Variants in TMTC2 observed in about 807,000 individuals in gnomAD.
TMTC2 encodes protein O-mannosyl-transferase TMTC2.
TMTC2 carries 43 observed loss-of-function variants against 82.4 expected under a neutral mutation model. That is an observed-to-expected ratio of 0.52 (90% CI 0.41 to 0.67). The LOEUF (loss-of-function observed/expected upper bound fraction) is 0.67. Among genes scored for constraint, TMTC2 ranks in the 30% least tolerant of loss-of-function variants. The pLI is 0.00. For missense variants in TMTC2, 919 were observed against 1,012.4 expected (o/e 0.91, Z 1.25); for synonymous variants, 408 against 381.9 (o/e 1.07, Z -0.80).
chr12:82,956,460 A>G (rs1877621148), intron 4 of TMTC2, among the ~76,000 whole-genome samples: 1 of 152,030 alleles, frequency 6.6e-6, no homozygotes, highest in African/African-American at 2.4e-5. Context: ...GACTTACTTC[A>G]TTTATTTGTT....
intron 1 of TMTC2, among the ~76,000 whole-genome samples, chr12:82,787,645 A>C (rs1878244311): frequency 6.6e-6 from 1 of 152,020 alleles, no homozygotes; most frequent in Non-Finnish European, 1.5e-5. Flanking sequence ...GCAGTTGCTC[A>C]CTCCTGTAAT....
chr12:82,883,011 G>A (rs1358275105), intron 2 of TMTC2, among the ~76,000 whole-genome samples: 4 of 144,896 alleles, frequency 2.8e-5, no homozygotes, highest in East Asian at 2.1e-4. Context: ...AGCCAAGATC[G>A]CGTCAGTGCA....
chr12:82,754,560 C>T (rs149463059), intron 1 of TMTC2, among the ~76,000 whole-genome samples: 1 of 152,026 alleles, frequency 6.6e-6, no homozygotes, highest in African/African-American at 2.4e-5. Context: ...CATGGTGAAA[C>T]CCTGTCTCTA....
chr12:83,056,897 A>G (rs1294462593), intron 10 of TMTC2, among the ~76,000 whole-genome samples: 2 of 151,812 alleles, frequency 1.3e-5, no homozygotes, highest in Admixed American at 1.3e-4. Flanking sequence ...ACACCTGGGG[A>G]ATGTTGTTAA....
chr12:83,020,329 T>C (rs1169270288), intron 8 of TMTC2, among the ~76,000 whole-genome samples: 1 of 152,194 alleles, frequency 6.6e-6, no homozygotes, highest in Non-Finnish European at 1.5e-5. Flanking sequence ...ATACATTTAA[T>C]GTATTGTGGA....
chr12:82,697,257 T>C (rs2136892908), intron 1 of TMTC2, among the ~76,000 whole-genome samples: 1 of 150,522 alleles, frequency 6.6e-6, no homozygotes, highest in African/African-American at 2.4e-5. Context: ...GGCAGGGGAA[T>C]TGCTTGAACC....
At chr12:82,790,841 A>G (rs1473159417) in intron 1 of TMTC2, among the ~76,000 whole-genome samples, 1 of 151,728 alleles carries the variant, frequency 6.6e-6, no homozygotes, top group East Asian at 1.9e-4. Context: ...AAAAAAAAAA[A>G]AGAAAGAAAA....
intron 1 of TMTC2, among the ~76,000 whole-genome samples, chr12:82,823,989 G>A (rs1565766586): frequency 4.6e-5 from 7 of 151,538 alleles, no homozygotes. Flanking sequence ...CGCTTCCCAG[G>A]TTCAAGTGAT....
chr12:82,938,110 C>T (rs1270295436), intron 4 of TMTC2, among the ~76,000 whole-genome samples: 2 of 151,450 alleles, frequency 1.3e-5, no homozygotes, highest in South Asian at 2.1e-4. Flanking sequence ...GACGGGGTTT[C>T]GCCATGTTGG....
intron 3 of TMTC2, among the ~76,000 whole-genome samples, chr12:82,903,703 G>A (rs892606938): frequency 1.1e-4 from 16 of 152,132 alleles, no homozygotes; most frequent in African/African-American, 1.7e-4. Context: ...GTGAGCCACC[G>A]CGCCCCGCCG....
chr12:82,801,557 C>T (rs962154179), intron 1 of TMTC2, among the ~76,000 whole-genome samples: 18 of 152,076 alleles, frequency 1.2e-4, no homozygotes, highest in African/African-American at 3.9e-4. Flanking sequence ...CTGATTGGTC[C>T]GTTTTGACAG....
At chr12:82,946,890 C>T (rs1877036088) in intron 4 of TMTC2, among the ~76,000 whole-genome samples, 1 of 151,846 alleles carries the variant, frequency 6.6e-6, no homozygotes, top group African/African-American at 2.4e-5. Context: ...TACAGGCGCC[C>T]GCCACCACCC....
At chr12:82,987,438 G>GA (rs1437900920) in intron 8 of TMTC2, among the ~76,000 whole-genome samples, 1,218 of 113,462 alleles carry the variant, frequency 0.011, 15 homozygotes, top group African/African-American at 0.036. Context: ...AAAAAAAAGA[G>GA]AAAAAAAAAA....
intron 1 of TMTC2, among the ~76,000 whole-genome samples, chr12:82,724,864 C>T (rs76708686): frequency 0.034 from 5,189 of 152,132 alleles, 303 homozygotes; most frequent in African/African-American, 0.12. Context: ...ACTTCATGAC[C>T]TTGGTGACAA....
At chr12:83,060,628 C>G (rs1467484965) in intron 10 of TMTC2, among the ~76,000 whole-genome samples, 3 of 151,630 alleles carry the variant, frequency 2.0e-5, no homozygotes, top group Non-Finnish European at 4.4e-5. Flanking sequence ...TTGGCATTTT[C>G]CTGTAGCATT....
chr12:83,044,722 T>G (rs1026545530), intron 9 of TMTC2, among the ~76,000 whole-genome samples: 1 of 152,198 alleles, frequency 6.6e-6, no homozygotes, highest in Non-Finnish European at 1.5e-5. Context: ...TAAAAAAGAT[T>G]TTTATTTGAT....
chr12:82,910,314 C>A (rs879416638), intron 3 of TMTC2, among the ~76,000 whole-genome samples: 8 of 152,106 alleles, frequency 5.3e-5, no homozygotes, highest in Admixed American at 2.0e-4. Flanking sequence ...CCCCTCACAG[C>A]GCGTGTGAAG....
chr12:82,896,908 G>GAAGCACCGCCAGGTCCTTTGAGTTT (rs1873718271), intron 3 of TMTC2, among the ~76,000 whole-genome samples: 2 of 152,064 alleles, frequency 1.3e-5, no homozygotes, highest in African/African-American at 2.4e-5. Context: ...CTCCTGTTGT[G>GAAGCACCGCCAGGTCCTTTGAGTTT]TAAACAATAT....
chr12:82,890,389 G>A (rs1772795302), intron 2 of TMTC2, among the ~76,000 whole-genome samples: 1 of 151,994 alleles, frequency 6.6e-6, no homozygotes, highest in African/African-American at 2.4e-5. Context: ...AACCTCCTTT[G>A]TAGTCTGGCC....
Sources: allele counts gnomAD v4.1 joint callset (sites outside exome capture counted in the v4.1 genomes callset), GRCh38; gene constraint gnomAD v4.1.1; transcripts MANE v1.5; gene names NCBI Gene and HGNC (gene_info 2026-07-23, HGNC 2026-07-21).